MRPS9: variants seen among roughly 807,000 people sequenced by gnomAD.
The protein encoded by MRPS9 is mitochondrial ribosomal protein S9, also known as small ribosomal subunit protein uS9m.
A neutral mutation model predicts 59.9 loss-of-function variants in MRPS9; 45 were observed. That is an observed-to-expected ratio of 0.75 (90% CI 0.59 to 0.96). MRPS9 has a LOEUF of 0.96. MRPS9 is among the 40% of genes least tolerant of loss of function. The pLI, the probability that MRPS9 is intolerant of heterozygous loss-of-function variation, is 0.00. For missense variants in MRPS9, 473 were observed against 481.1 expected, an observed-to-expected ratio of 0.98 and a Z score of 0.16; for synonymous variants, 171 against 166.8, an observed-to-expected ratio of 1.03 and a Z score of -0.19.
intron 2 of MRPS9, among the ~76,000 whole-genome samples, chr2:105,051,236 G>A (rs1360436794): frequency 6.6e-6 from 1 of 152,174 alleles, no homozygotes; most frequent in Non-Finnish European, 1.5e-5. Context: ...ATGTGAGGCA[G>A]GGATGTAGCT....
chr2:105,045,355 A>G (rs115839382), intron 1 of MRPS9, among the ~76,000 whole-genome samples: 1,559 of 149,148 alleles, frequency 0.01, 23 homozygotes, highest in African/African-American at 0.037. Context: ...TTTTTTTTTC[A>G]TATAGCAAAA....
At position 105,084,247 on chromosome 2, in the gene MRPS9, A is replaced by AATATATATAT. The variant is rs58438490; in HGVS notation, c.489+4198_489+4207dup. Among the ~76,000 whole-genome samples, 173 of 139,602 alleles carry AATATATATAT rather than the reference A, an allele frequency of 1.2e-3. 4 individuals are homozygous for AATATATATAT. Among genetic ancestry groups the AATATATATAT allele is most frequent in the African/African-American group, 3.8e-3 (145 of 38,278 alleles). The allele number at this position is 139,602 out of a possible 152,430, so 91.6% of individuals were successfully genotyped here. ...TGGCCACAGATGAAATATATACCAA[A>AATATATATAT]ATATATATATATATATATATATGTA... On this transcript the variant is annotated intron_variant, in intron 5 of 10. Transcript: ENST00000258455.
In MRPS9 at chr2:105,097,191, G is replaced by A; in HGVS notation, c.966G>A (p.Arg322=). The A allele has an allele frequency of 6.3e-7, 1 of 1,599,828 alleles. No individual in the cohort carries two copies. Among genetic ancestry groups the A allele is most frequent in the Non-Finnish European group, 8.5e-7 (1 of 1,173,608 alleles). ...TGTTCCCTTTCCACTTTGTTGACCG[G>A]CTGGGAAAGCACGACGTGACCTGCA... ...QLMFPFHFVD[R]LGKHDVTCTV... is the part of the protein sequence containing the mutation. The change falls in exon 10 of 11, where the codon CGG becomes CGA. Residue 322 remains arginine (R), a synonymous_variant. Transcript: ENST00000258455.
Position 105,079,670 on chromosome 2 carries a change from A to G in MRPS9, c.410-313A>G, listed in dbSNP as rs183109939. Among the ~76,000 whole-genome samples the G allele has an allele frequency of 1.2e-4, 18 of 152,226 alleles. No homozygotes were observed. In the East Asian group the frequency reaches 3.5e-3, roughly 29 times the overall value. On this transcript the variant is annotated intron_variant, in intron 4 of 10. Transcript: ENST00000258455. ...TTTATGGCCAAACCTAAATTTTTTT[A>G]TTCTAACAAGATGATTTGGGCTATT...
intron 1 of MRPS9, among the ~76,000 whole-genome samples, chr2:105,048,064 C>T (rs981100050): frequency 1.8e-4 from 27 of 151,882 alleles, no homozygotes; most frequent in East Asian, 3.8e-4. Context: ...ATGTTTATTG[C>T]GGCACTATTC....
chr2:105,096,884 GATCTT>G (rs2104472200), intron 9 of MRPS9, among the ~76,000 whole-genome samples: 1 of 152,260 alleles, frequency 6.6e-6, no homozygotes, highest in African/African-American at 2.4e-5. Flanking sequence ...GCTTTGAAAA[GATCTT>G]CTGAGATAAA....
chr2:105,089,910 A>G lies in MRPS9; in HGVS notation c.576-10A>G, dbSNP rs199781638. The G allele has an allele frequency of 6.3e-7, 1 of 1,592,074 alleles. No individual in the cohort carries two copies. Among genetic ancestry groups the G allele is most frequent in the East Asian group, 2.2e-5 (1 of 44,596 alleles). ...TAATTAAAAAGAGAATATATGTGAT[A>G]TTTTAACAGAGACGTGATTGGCAGC... is the stretch of plus-strand genomic sequence containing the variant. On this transcript the variant is annotated splice_polypyrimidine_tract_variant and intron_variant, in intron 6 of 10. Transcript: ENST00000258455.
chr2:105,056,723 C>T (rs1362425507), intron 2 of MRPS9, among the ~76,000 whole-genome samples: 2 of 152,128 alleles, frequency 1.3e-5, no homozygotes, highest in African/African-American at 2.4e-5. Context: ...TCTGGCCTTG[C>T]TGAATACAGC....
chr2:105,072,491 A>G (rs1164644226), intron 4 of MRPS9, among the ~76,000 whole-genome samples: 1 of 152,078 alleles, frequency 6.6e-6, no homozygotes, highest in Non-Finnish European at 1.5e-5. Context: ...GTTTGCACTC[A>G]TATTTAATTT....
chr2:105,070,877 A>G (rs1005916558), intron 2 of MRPS9, among the ~76,000 whole-genome samples: 13 of 152,054 alleles, frequency 8.5e-5, no homozygotes, highest in African/African-American at 3.1e-4. Context: ...ACTCTGGAAA[A>G]AGTTGAAAGA....
chr2:105,039,705 G>T (rs1021338177), intron 1 of MRPS9, among the ~76,000 whole-genome samples: 5 of 152,140 alleles, frequency 3.3e-5, no homozygotes, highest in African/African-American at 1.2e-4. Flanking sequence ...ACTATTCCAT[G>T]ATAAGAATAT....
chr2:105,058,047 ATGCTG>A (rs1272980149), intron 2 of MRPS9, among the ~76,000 whole-genome samples: 1 of 152,212 alleles, frequency 6.6e-6, no homozygotes, highest in African/African-American at 2.4e-5. Context: ...AAGTGTGAAT[ATGCTG>A]TATGAAGTTT....
chr2:105,056,914 A>T (rs1400809479), intron 2 of MRPS9, among the ~76,000 whole-genome samples: 2 of 152,190 alleles, frequency 1.3e-5, no homozygotes, highest in African/African-American at 4.8e-5. Context: ...ATCACTTAGA[A>T]GATTTATCAT....
chr2:105,095,915 T>C (rs545915924), intron 9 of MRPS9, among the ~76,000 whole-genome samples: 5 of 152,182 alleles, frequency 3.3e-5, no homozygotes, highest in African/African-American at 1.2e-4. Flanking sequence ...CAAGCAGTCC[T>C]CCCACCTCAG....
At chr2:105,093,350 G>T (rs2104469815) in intron 8 of MRPS9, among the ~76,000 whole-genome samples, 180 bp from the exon 9 acceptor site, 1 of 152,242 alleles carries the variant, frequency 6.6e-6, no homozygotes, top group Middle Eastern at 3.4e-3. Flanking sequence ...GAGCTTTATT[G>T]CATCTGTTGT....
intron 2 of MRPS9, among the ~76,000 whole-genome samples, chr2:105,065,442 A>T (rs1298130760): frequency 6.6e-6 from 1 of 152,222 alleles, no homozygotes; most frequent in African/African-American, 2.4e-5. Context: ...AATGTGCTTT[A>T]CAAAACTGAA....
At chr2:105,072,875 CT>C (rs1680140264) in intron 4 of MRPS9, among the ~76,000 whole-genome samples, 1 of 152,070 alleles carries the variant, frequency 6.6e-6, no homozygotes, top group Admixed American at 6.5e-5. Flanking sequence ...TAAATATGCT[CT>C]ATCATTTGTA....
chr2:105,053,632 A>G (rs898644889), intron 2 of MRPS9, among the ~76,000 whole-genome samples: 1 of 152,216 alleles, frequency 6.6e-6, no homozygotes, highest in African/African-American at 2.4e-5. Context: ...AGCTTAGTGA[A>G]TACATTCACA....
In MRPS9 at chr2:105,071,394, A is replaced by C. The variant is rs761129643; in HGVS notation, c.378+19A>C. 6.3e-7 allele frequency: 1 copy of C among 1,598,066 alleles called. No individual in the cohort carries two copies. Among genetic ancestry groups the C allele is most frequent in the Admixed American group, 1.7e-5 (1 of 59,732 alleles). On this transcript the variant is annotated intron_variant, in intron 3 of 10. Transcript: ENST00000258455. Reference sequence around the variant, plus strand: ...AATGAAGGTAGTTATCTTAATTACTATTTTAAAAATTTCACTTTTATATGT... The same window carrying C: ...AATGAAGGTAGTTATCTTAATTACTCTTTTAAAAATTTCACTTTTATATGT...
Sources: gnomAD v4.1 joint callset for allele counts (sites outside exome capture counted in the v4.1 genomes callset) on GRCh38, gnomAD v4.1.1 for gene constraint, MANE v1.5 for transcripts, NCBI Gene and HGNC (gene_info 2026-07-23, HGNC 2026-07-21) for gene names.